The following DSCAM variants were observed in gnomAD, a reference collection of about 807,000 sequenced individuals.
The protein encoded by DSCAM is cell adhesion molecule DSCAM.
DSCAM carries 47 observed loss-of-function variants against 217.7 expected under a neutral mutation model. The ratio of observed to expected loss-of-function variants is 0.22; its 90% CI spans 0.17 to 0.28. DSCAM has a LOEUF of 0.28. DSCAM is among the 10% of genes least tolerant of loss of function. DSCAM has a pLI of 1.00. For missense variants in DSCAM, 2,080 were observed against 2,618.3 expected (o/e 0.79, Z 4.49); for synonymous variants, 1,056 against 1,015.3 (o/e 1.04, Z -0.76).
intron 3 of DSCAM, among the ~76,000 whole-genome samples, chr21:40,648,279 ACACT>A (rs894025686): frequency 3.0e-4 from 43 of 143,984 alleles, no homozygotes; most frequent in East Asian, 1.1e-3. Context: ...ACACACACAC[ACACT>A]CACACACTGC....
chr21:40,632,679 G>C (rs2089708098), intron 3 of DSCAM, among the ~76,000 whole-genome samples: 1 of 152,304 alleles, frequency 6.6e-6, no homozygotes, highest in East Asian at 1.9e-4. Context: ...GTCGGAAAAT[G>C]CAAGAGGTCT....
At chr21:40,614,990 GCA>G (rs1323878203) in intron 3 of DSCAM, among the ~76,000 whole-genome samples, 5 of 150,826 alleles carry the variant, frequency 3.3e-5, no homozygotes, top group Non-Finnish European at 5.9e-5. Context: ...GTATGCATGT[GCA>G]CACACACACA....
chr21:40,799,139 A>G (rs2091716787), intron 1 of DSCAM, among the ~76,000 whole-genome samples: 1 of 152,130 alleles, frequency 6.6e-6, no homozygotes, highest in Non-Finnish European at 1.5e-5. Flanking sequence ...TTTTTAATTG[A>G]GAGCCTGTGT....
chr21:40,642,081 C>T (rs930744775), intron 3 of DSCAM, among the ~76,000 whole-genome samples: 2 of 150,590 alleles, frequency 1.3e-5, no homozygotes, highest in African/African-American at 2.4e-5. Flanking sequence ...TTCATGTATT[C>T]CTGTTGTGGA....
At chr21:40,621,297 G>A (rs1342610034) in intron 3 of DSCAM, 1 of 152,346 alleles carries the variant, frequency 6.6e-6, no homozygotes, top group East Asian at 1.9e-4. Context: ...AGCTCATAAA[G>A]AGTGATTTGG....
At position 40,365,322 on chromosome 21, in the gene DSCAM, C is replaced by T. The variant is rs145418906; in HGVS notation, c.655+3777G>A. ...TAGACTGGCTTAGTCCTCCAGCCTA[C>T]ATCTTTCTCCCGTGCTGGATGCTTC... On this transcript the variant is annotated intron_variant, in intron 4 of 32. Coordinates refer to ENST00000400454, the MANE Select transcript of DSCAM (RefSeq NM_001389.5). 4.4e-3 allele frequency among the ~76,000 whole-genome samples: 673 copies of T among 152,310 alleles called. 3 individuals are homozygous for T. Among genetic ancestry groups the T allele is most frequent in the Non-Finnish European group, 8.0e-3 (543 of 68,036 alleles).
At chr21:40,670,378 C>CA (rs35052398) in intron 3 of DSCAM, among the ~76,000 whole-genome samples, 2 of 151,684 alleles carry the variant, frequency 1.3e-5, no homozygotes, top group African/African-American at 4.8e-5. Flanking sequence ...TCTACTAAAA[C>CA]AAAAAAAAAA....
intron 11 of DSCAM, among the ~76,000 whole-genome samples, chr21:40,200,600 G>C (rs149535577): frequency 1.3e-5 from 2 of 152,170 alleles, no homozygotes; most frequent in African/African-American, 2.4e-5. Context: ...GTGAACACTG[G>C]TGTACAAAAC....
chr21:40,267,878 AAG>A (rs1331007525), intron 11 of DSCAM, among the ~76,000 whole-genome samples: 3 of 130,456 alleles, frequency 2.3e-5, no homozygotes, highest in African/African-American at 3.7e-5. Flanking sequence ...CCTGGGAAAC[AAG>A]AGAGAAACTC....
chr21:40,296,085 C>T lies in DSCAM; in HGVS notation c.2152G>A (p.Val718Ile). Reference protein sequence around the residue: ...ILNCSAEGYPVPTIVWKFSKG... With the variant: ...ILNCSAEGYPIPTIVWKFSKG... ...GAGAATTTCCACACGATGGTAGGTA[C>T]AGGGTAACCCTCAGCAGAACAATTG... The change falls in exon 10 of 33, where the codon GTA (valine) becomes ATA (isoleucine). Residue 718 changes from valine to isoleucine, a missense_variant. Around this residue, in one of 5 missense-constraint regions of DSCAM, gnomAD observed 218 missense variants for 364.1 expected, o/e 0.60. Coordinates refer to ENST00000400454, the MANE Select transcript of DSCAM (RefSeq NM_001389.5). The T allele has an allele frequency of 6.2e-7, 1 of 1,614,080 alleles. No homozygotes were observed. The highest frequency in any genetic ancestry group is 8.5e-7 in the Non-Finnish European group (1 of 1,179,972).
At chr21:40,185,247 T>G (rs1458234886) in intron 14 of DSCAM, among the ~76,000 whole-genome samples, 1 of 152,176 alleles carries the variant, frequency 6.6e-6, no homozygotes, top group Non-Finnish European at 1.5e-5. Context: ...GGGTAGTAAC[T>G]GGGTGGCTCA....
At chr21:40,171,402 C>T (rs574673709) in intron 15 of DSCAM, among the ~76,000 whole-genome samples, 1 of 152,104 alleles carries the variant, frequency 6.6e-6, no homozygotes, top group East Asian at 1.9e-4. Flanking sequence ...TATGAAGGTC[C>T]CCACTGAAGA....
At chr21:40,465,873 C>T (rs2075840731) in intron 3 of DSCAM, among the ~76,000 whole-genome samples, 2 of 143,130 alleles carry the variant, frequency 1.4e-5, no homozygotes, top group Admixed American at 1.4e-4. Flanking sequence ...ATTATAAACA[C>T]GTTTGGTAAA....
chr21:40,017,119 A>G (rs1334010344), intron 32 of DSCAM, among the ~76,000 whole-genome samples: 2 of 150,064 alleles, frequency 1.3e-5, no homozygotes, highest in Non-Finnish European at 3.0e-5. Context: ...AAAAAAAAAA[A>G]AGTATAAGAG....
At chr21:40,459,490 CTAAG>C (rs1170774545) in intron 3 of DSCAM, among the ~76,000 whole-genome samples, 8 of 152,010 alleles carry the variant, frequency 5.3e-5, no homozygotes, top group Admixed American at 5.2e-4. Flanking sequence ...AATAGGTTGC[CTAAG>C]TATGTACAAA....
intron 11 of DSCAM, among the ~76,000 whole-genome samples, chr21:40,205,829 C>T (rs1202307464): frequency 1.3e-5 from 2 of 152,094 alleles, no homozygotes; most frequent in African/African-American, 4.8e-5. Flanking sequence ...CAAAAACATT[C>T]AAGGATAGTA....
At chr21:40,246,510 C>T (rs1474578254) in intron 11 of DSCAM, among the ~76,000 whole-genome samples, 1 of 151,034 alleles carries the variant, frequency 6.6e-6, no homozygotes, top group African/African-American at 2.4e-5. Flanking sequence ...CACTGCACTC[C>T]AGCCTGGGCA....
chr21:40,603,975 C>T, intron 3 of DSCAM, among the ~76,000 whole-genome samples: 1 of 113,258 alleles, frequency 8.8e-6, no homozygotes, highest in Non-Finnish European at 1.7e-5. Context: ...GGTTTAGTGT[C>T]TATCATTAAT....
intron 1 of DSCAM, among the ~76,000 whole-genome samples, chr21:40,717,632 C>T (rs889334909): frequency 2.0e-5 from 3 of 152,134 alleles, no homozygotes; most frequent in South Asian, 2.1e-4. Context: ...GACAGAAAGT[C>T]GACTAGTGGC....
Sources: gnomAD v4.1 joint callset for allele counts (sites outside exome capture counted in the v4.1 genomes callset) on GRCh38, gnomAD v4.1.1 for gene constraint, gnomAD v4.1.1 regional missense constraint, MANE v1.5 for transcripts, NCBI Gene and HGNC (gene_info 2026-07-23, HGNC 2026-07-21) for gene names.